The following IGF1R variants were observed in gnomAD, a reference collection of about 807,000 sequenced individuals.
IGF1R encodes the protein insulin-like growth factor 1 receptor.
IGF1R carries 44 observed loss-of-function variants against 144.6 expected under a neutral mutation model. The observed-to-expected ratio is 0.30, with a 90% confidence interval of 0.24 to 0.39. The LOEUF is 0.39. Among genes scored for constraint, IGF1R ranks in the 10% least tolerant of loss-of-function variants. IGF1R has a pLI of 1.00. For synonymous variants in IGF1R, 795 were observed against 722.8 expected (o/e 1.10, Z -1.60); for missense variants, 1,355 against 1,833.7 (o/e 0.74, Z 4.77).
chr15:98,729,138 T>C (rs1010523186), intron 2 of IGF1R, among the ~76,000 whole-genome samples: 1 of 152,278 alleles, frequency 6.6e-6, no homozygotes, highest in African/African-American at 2.4e-5. Flanking sequence ...TGAATTTGTG[T>C]CTGATTTATA....
intron 1 of IGF1R, chr15:98,651,195 C>T (rs911601908): frequency 3.2e-6 from 1 of 317,126 alleles, no homozygotes; most frequent in Non-Finnish European, 4.6e-6. Flanking sequence ...TTGTATGGCC[C>T]CATCACCGGG....
At chr15:98,819,865 G>A (rs1360353825) in intron 2 of IGF1R, among the ~76,000 whole-genome samples, 2 of 152,140 alleles carry the variant, frequency 1.3e-5, no homozygotes, top group Non-Finnish European at 2.9e-5. Context: ...TTAACAGAAG[G>A]CAATTGGATG....
chr15:98,918,687 G>T (rs903312597), intron 10 of IGF1R, among the ~76,000 whole-genome samples: 1 of 152,104 alleles, frequency 6.6e-6, no homozygotes, highest in Non-Finnish European at 1.5e-5. Context: ...GAGACCAGCC[G>T]GGCATCATGG....
intron 2 of IGF1R, among the ~76,000 whole-genome samples, chr15:98,873,281 T>A (rs761344714): frequency 6.6e-6 from 1 of 152,244 alleles, no homozygotes; most frequent in Admixed American, 6.5e-5. Flanking sequence ...TGATACTTTT[T>A]TTCAAAAAAA....
chr15:98,734,180 T>TATTA (rs2054559828), intron 2 of IGF1R, among the ~76,000 whole-genome samples: 1 of 152,226 alleles, frequency 6.6e-6, no homozygotes, highest in Non-Finnish European at 1.5e-5. Flanking sequence ...GTGGTGTCAC[T>TATTA]TAATGGGAAG....
At chr15:98,905,927 G>A (rs2151666246) in intron 5 of IGF1R, among the ~76,000 whole-genome samples, 1 of 152,280 alleles carries the variant, frequency 6.6e-6, no homozygotes, top group South Asian at 2.1e-4. Context: ...CGAAAAACAA[G>A]CATGGTATTG....
intron 2 of IGF1R, among the ~76,000 whole-genome samples, chr15:98,823,167 C>T (rs1289383117): frequency 6.6e-6 from 1 of 152,200 alleles, no homozygotes; most frequent in Non-Finnish European, 1.5e-5. Flanking sequence ...ACACAAAGGA[C>T]ATTTGACACT....
chr15:98,668,605 C>T (rs539716455), intron 1 of IGF1R, among the ~76,000 whole-genome samples: 1 of 152,298 alleles, frequency 6.6e-6, no homozygotes, highest in African/African-American at 2.4e-5. Context: ...GACCCCATTT[C>T]TCTCATTTTA....
chr15:98,767,846 T>C (rs1381339851), intron 2 of IGF1R, among the ~76,000 whole-genome samples: 1 of 152,176 alleles, frequency 6.6e-6, no homozygotes, highest in Non-Finnish European at 1.5e-5. Flanking sequence ...GAACACTGTG[T>C]CTCCATCTCC....
intron 2 of IGF1R, among the ~76,000 whole-genome samples, chr15:98,738,097 C>T (rs1004796293): frequency 6.6e-6 from 1 of 152,194 alleles, no homozygotes; most frequent in Admixed American, 6.5e-5. Flanking sequence ...AGATTAAAAT[C>T]CTATGACAGA....
At chr15:98,897,171 A>G in intron 4 of IGF1R, 1 of 481,142 alleles carries the variant, frequency 2.1e-6, no homozygotes, top group Non-Finnish European at 3.8e-6. Context: ...CACATCTTGC[A>G]TAGGAGAGGC....
At chr15:98,818,162 CAG>C (rs2056733974) in intron 2 of IGF1R, among the ~76,000 whole-genome samples, 1 of 152,200 alleles carries the variant, frequency 6.6e-6, no homozygotes, top group South Asian at 2.1e-4. Flanking sequence ...CTACCTTCAA[CAG>C]AGTCACATGA....
intron 20 of IGF1R, among the ~76,000 whole-genome samples, chr15:98,950,076 T>C (rs1211000368): frequency 6.6e-6 from 1 of 152,198 alleles, no homozygotes; most frequent in Non-Finnish European, 1.5e-5. Context: ...TCAAGACCAA[T>C]TCAGGAGATT....
At chr15:98,899,361 G>A in intron 4 of IGF1R, 116 bp from the exon 5 acceptor site, 1 of 997,782 alleles carries the variant, frequency 1.0e-6, no homozygotes, top group South Asian at 1.3e-5. Context: ...TCCTGTGCTG[G>A]GAGCATCTCA....
intron 2 of IGF1R, among the ~76,000 whole-genome samples, chr15:98,808,870 T>C (rs528698518): frequency 9.2e-5 from 14 of 152,138 alleles, no homozygotes; most frequent in African/African-American, 3.4e-4. Flanking sequence ...TTTATTTTTA[T>C]AGAGTCAGAG....
chr15:98,876,078 A>G (rs1214298022), intron 2 of IGF1R, among the ~76,000 whole-genome samples: 2 of 152,322 alleles, frequency 1.3e-5, no homozygotes, highest in East Asian at 3.9e-4. Context: ...TGAACCGAAT[A>G]CCTAAAACCA....
intron 2 of IGF1R, among the ~76,000 whole-genome samples, chr15:98,836,858 CATTTTT>C (rs545065228): frequency 4.0e-3 from 604 of 152,270 alleles, no homozygotes; most frequent in Non-Finnish European, 6.5e-3. Flanking sequence ...TCATTAAACT[CATTTTT>C]ATACATTTTG....
intron 2 of IGF1R, among the ~76,000 whole-genome samples, chr15:98,724,656 G>C (rs1004495874): frequency 5.9e-5 from 9 of 152,204 alleles, no homozygotes; most frequent in Admixed American, 5.9e-4. Flanking sequence ...GAGAAAACAG[G>C]AGGTGATGAC....
intron 1 of IGF1R, among the ~76,000 whole-genome samples, chr15:98,681,710 C>A (rs1415588083): frequency 6.6e-6 from 1 of 152,106 alleles, no homozygotes; most frequent in Non-Finnish European, 1.5e-5. Context: ...TGGAATTTTA[C>A]CCTGTGTATT....
Sources: gnomAD v4.1 joint callset for allele counts (sites outside exome capture counted in the v4.1 genomes callset) on GRCh38, gnomAD v4.1.1 for gene constraint, MANE v1.5 for transcripts, NCBI Gene and HGNC (gene_info 2026-07-23, HGNC 2026-07-21) for gene names.